Variants in RAP1GAP2 observed in about 807,000 individuals in gnomAD.
RAP1GAP2 encodes the protein rap1 GTPase-activating protein 2.
A neutral mutation model predicts 95.0 loss-of-function variants in RAP1GAP2; 27 were observed. The ratio of observed to expected loss-of-function variants is 0.28; its 90% CI spans 0.21 to 0.39. The LOEUF (loss-of-function observed/expected upper bound fraction) is 0.39, where lower values mean the gene tolerates loss of function less well. Among genes scored for constraint, RAP1GAP2 ranks in the 10% least tolerant of loss-of-function variants. The probability of loss-of-function intolerance (pLI) is 1.00; values close to 1 mark genes in which losing one functional copy is unlikely to be tolerated. For synonymous variants in RAP1GAP2, 373 were observed against 380.9 expected (o/e 0.98, Z 0.24); for missense variants, 771 against 970.0 (o/e 0.79, Z 2.72).
Position 3,005,372 on chromosome 17 carries a change from T to G in RAP1GAP2, c.1204T>G (p.Ser402Ala). The change falls in exon 15 of 25, where the codon TCT becomes GCT. Residue 402 changes from serine (S) to alanine (A), a missense_variant. Transcript: ENST00000254695. This position sits in a 1 kb window ranked among gnomAD's most constrained non-coding sequence, Gnocchi z 5.2. ...PGTETPSYKVSVTAREDVPTF... is the reference protein window; with the variant it reads ...PGTETPSYKVAVTAREDVPTF... ...ACCATGACTCTGTTTCACTCAGGTC[T>G]CTGTCACTGCGCGGGAAGATGTGCC... The G allele has an allele frequency of 3.7e-6, 6 of 1,613,840 alleles. No individual in the cohort carries two copies. Among genetic ancestry groups the G allele is most frequent in the Non-Finnish European group, 5.1e-6 (6 of 1,179,738 alleles).
Position 2,817,197 on chromosome 17 carries a change from A to T in RAP1GAP2, c.80+16647A>T, listed in dbSNP as rs200825636. On this transcript the variant is annotated intron_variant, in intron 2 of 24. Transcript: ENST00000254695. ...GAGATAGAGATAGGGTTTCGCCATG[A>T]TGGCCAGGCTGGTCTTGAACTCCTG... 4.2e-5 allele frequency among the ~76,000 whole-genome samples: 5 copies of T among 117,678 alleles called. 1 individual carries two copies. The East Asian group carries it at 1.2e-3, about 28-fold the overall frequency. 77.2% of individuals were successfully genotyped at this position (117,678 alleles called of 152,430 possible). A position where few individuals can be genotyped will look rare whatever the true frequency, so the allele number is the denominator to read the frequency against.
rs183825728 is a variant in RAP1GAP2, at chr17:2,830,187, G to A, written c.80+29637G>A. 9.4e-3 allele frequency among the ~76,000 whole-genome samples: 1,382 copies of A among 147,222 alleles called. 21 individuals carry two copies. Among genetic ancestry groups the A allele is most frequent in the Non-Finnish European group, 0.012 (795 of 66,580 alleles). On this transcript the variant is annotated intron_variant, in intron 2 of 24. Coordinates refer to ENST00000254695, the MANE Select transcript of RAP1GAP2 (RefSeq NM_015085.5). ...AGCACTTTGGGAGGCCGAGGTGGGC[G>A]GATCACTTGAGGTCAGGAGTTCAAG... is the stretch of plus-strand genomic sequence containing the variant.
chr17:2,995,864 TG>T (rs1231249955), intron 13 of RAP1GAP2, among the ~76,000 whole-genome samples: 12 of 152,080 alleles, frequency 7.9e-5, no homozygotes, highest in Non-Finnish European at 1.5e-4. Context: ...GGGTGCATGG[TG>T]GGGTTTGCAG....
chr17:2,973,388 T>A (rs1013649824), intron 8 of RAP1GAP2, among the ~76,000 whole-genome samples: 4 of 152,032 alleles, frequency 2.6e-5, no homozygotes, highest in African/African-American at 9.7e-5. Flanking sequence ...TGGTGGTGGG[T>A]GCCTGTAATC....
chr17:2,887,783 C>T (rs56139233), intron 2 of RAP1GAP2, among the ~76,000 whole-genome samples: 44,151 of 150,332 alleles, frequency 0.29, 7,193 homozygotes, highest in Admixed American at 0.43. Context: ...CAAGCAATCC[C>T]CCTGCCTCAG....
At chr17:2,789,890 C>T (rs2068880757) in intron 1 of RAP1GAP2, among the ~76,000 whole-genome samples, 1 of 152,050 alleles carries the variant, frequency 6.6e-6, no homozygotes, top group Non-Finnish European at 1.5e-5. Flanking sequence ...TGCAATCTGC[C>T]ATCATCTTGC....
chr17:2,758,619 C>T (rs2071191599), intron 1 of RAP1GAP2, among the ~76,000 whole-genome samples: 1 of 152,196 alleles, frequency 6.6e-6, no homozygotes, highest in African/African-American at 2.4e-5. Context: ...GATACCCTCT[C>T]AATCCATGCC....
At chr17:2,967,107 G>C (rs928693215) in intron 8 of RAP1GAP2, among the ~76,000 whole-genome samples, 1 of 152,150 alleles carries the variant, frequency 6.6e-6, no homozygotes, top group Non-Finnish European at 1.5e-5. Flanking sequence ...GGTGGCTCAC[G>C]CCTGTAATCC....
chr17:2,939,279 G>A (rs1049603240), intron 3 of RAP1GAP2, among the ~76,000 whole-genome samples: 2 of 152,080 alleles, frequency 1.3e-5, no homozygotes, highest in East Asian at 1.9e-4. Flanking sequence ...TAGTAGAGAC[G>A]GGCTTTCGCC....
rs1315607763 is a variant in RAP1GAP2 at position 2,963,514 on chromosome 17, G to A, written c.279+52G>A. The A allele has an allele frequency of 1.2e-5, 19 of 1,609,356 alleles. No individual in the cohort carries two copies. The highest frequency in any genetic ancestry group is 3.3e-4 in the Middle Eastern group (2 of 6,072). On this transcript the variant is annotated intron_variant, in intron 6 of 24. Coordinates refer to ENST00000254695, the MANE Select transcript of RAP1GAP2 (RefSeq NM_015085.5). The surrounding 1 kb of genome is among the most constrained non-coding windows in gnomAD (Gnocchi z 4.8). The stretch of plus-strand genomic sequence containing the variant: ...TGCCCTGCAGCCTGCTCTGGGTCCC[G>A]TCCCTGGGGAAATGATGGCGATGGC...
chr17:2,809,672 G>T (rs572122905), intron 2 of RAP1GAP2, among the ~76,000 whole-genome samples: 42 of 152,330 alleles, frequency 2.8e-4, no homozygotes, highest in Non-Finnish European at 4.7e-4. Context: ...TGCCCGGCTC[G>T]CTGGGAGCTG....
Position 3,004,509 on chromosome 17 carries a change from C to T in RAP1GAP2, c.1201-860C>T, listed in dbSNP as rs1416927483. The stretch of plus-strand genomic sequence containing the variant: ...CAGTCTCCCGAGAGCCTCACAGCCT[C>T]GTGGGCTGAGAATAGGTGAAGTCAG... On this transcript the variant is annotated intron_variant, in intron 14 of 24. Coordinates refer to ENST00000254695, the MANE Select transcript of RAP1GAP2 (RefSeq NM_015085.5). The surrounding 1 kb of genome is among the most constrained non-coding windows in gnomAD (Gnocchi z 4.1). 6.6e-6 allele frequency among the ~76,000 whole-genome samples: 1 copy of T among 152,222 alleles called. No individual in the cohort carries two copies. Among genetic ancestry groups the T allele is most frequent in the Non-Finnish European group, 1.5e-5 (1 of 68,034 alleles).
At position 2,857,497 on chromosome 17, in the gene RAP1GAP2, T is replaced by G. The variant is rs779775026; in HGVS notation, c.81-47787T>G. Among the ~76,000 whole-genome samples, 12 of 152,226 alleles carry G rather than the reference T, an allele frequency of 7.9e-5. No individual in the cohort carries two copies. The highest frequency in any genetic ancestry group is 1.3e-4 in the Non-Finnish European group (9 of 68,034). On this transcript the variant is annotated intron_variant, in intron 2 of 24. Coordinates refer to ENST00000254695, the MANE Select transcript of RAP1GAP2 (RefSeq NM_015085.5). The surrounding 1 kb of genome is among the most constrained non-coding windows in gnomAD (Gnocchi z 4.0). ...AGAAATGGGCGTGGTGATCATCATG[T>G]TGGACTTGACCGTGCTCTACGGGAG... is the stretch of plus-strand genomic sequence containing the variant.
intron 2 of RAP1GAP2, among the ~76,000 whole-genome samples, chr17:2,822,465 T>C (rs1249235829): frequency 3.3e-5 from 5 of 151,752 alleles, no homozygotes; most frequent in African/African-American, 7.3e-5. Flanking sequence ...CCAAAGAAAA[T>C]TAAAAAACAA....
chr17:2,985,759 G>C (rs2045536766), intron 11 of RAP1GAP2, among the ~76,000 whole-genome samples: 1 of 152,112 alleles, frequency 6.6e-6, no homozygotes, highest in South Asian at 2.1e-4. Flanking sequence ...AAATGACCTG[G>C]GGAGGGGTTG....
chr17:2,949,346 G>A (rs117617779), intron 3 of RAP1GAP2, among the ~76,000 whole-genome samples: 12,046 of 152,304 alleles, frequency 0.079, 692 homozygotes, highest in Middle Eastern at 0.15. Flanking sequence ...GACCCCTTCC[G>A]GAGGCTGTCC....
At chr17:2,818,204 G>T (rs968748186) in intron 2 of RAP1GAP2, among the ~76,000 whole-genome samples, 121 of 151,790 alleles carry the variant, frequency 8.0e-4, no homozygotes, top group African/African-American at 2.9e-3. Context: ...GTTAAGTTCC[G>T]GTCATCATTT....
chr17:2,975,889 T>A (rs895229386), intron 8 of RAP1GAP2, among the ~76,000 whole-genome samples: 5 of 152,246 alleles, frequency 3.3e-5, no homozygotes, highest in Non-Finnish European at 7.3e-5. Context: ...TGTTGTTTGT[T>A]TGCTTTTGAA....
intron 2 of RAP1GAP2, among the ~76,000 whole-genome samples, chr17:2,811,537 A>G (rs1185759243): frequency 6.6e-6 from 1 of 152,072 alleles, no homozygotes; most frequent in Non-Finnish European, 1.5e-5. Flanking sequence ...CTTCCATTTT[A>G]TAACAGCAGC....
Sources: gnomAD v4.1 joint callset for allele counts (sites outside exome capture counted in the v4.1 genomes callset) on GRCh38, gnomAD v4.1.1 for gene constraint, Gnocchi (gnomAD v3.1) non-coding constraint, MANE v1.5 for transcripts, NCBI Gene and HGNC (gene_info 2026-07-23, HGNC 2026-07-21) for gene names.